Variants in RGS11 observed in about 807,000 individuals in gnomAD.
RGS11 encodes regulator of G-protein signaling 11.
In RGS11, 86 loss-of-function variants were observed where a neutral mutation model predicts 71.1. That is an observed-to-expected ratio of 1.21 (90% CI 1.02 to 1.45). The LOEUF (loss-of-function observed/expected upper bound fraction) is 1.45. Among genes scored for constraint, RGS11 ranks in the 40% most tolerant of loss-of-function variants. RGS11 has a pLI of 0.00. For missense variants in RGS11, 734 were observed against 635.1 expected (o/e 1.16, Z -1.67); for synonymous variants, 298 against 254.2 (o/e 1.17, Z -1.64).
chr16:271,856 G>A (rs1020093171), intron 9 of RGS11: 4 of 505,868 alleles, frequency 7.9e-6, no homozygotes, highest in African/African-American at 1.9e-5. Flanking sequence ...TTATTTTTTT[G>A]AGACAGTTTC....
At position 268,490 on chromosome 16, in the gene RGS11, G is replaced by A. The variant is rs1224177496; in HGVS notation, c.*779C>T. 1.4e-5 allele frequency: 7 copies of A among 517,142 alleles called. No homozygotes were observed. The East Asian group carries it at 2.4e-4, about 18-fold the overall frequency. 32.0% of individuals were successfully genotyped at this position (517,142 alleles called of 1,614,324 possible). ...GTCTGGGGGACTGGTGAGGCACTTG[G>A]GGGATGGGGAGCAAGGCCAGCTCAC... On this transcript the variant is annotated 3_prime_UTR_variant, in exon 17 of 17. Coordinates refer to ENST00000397770, the MANE Select transcript of RGS11 (RefSeq NM_183337.3).
intron 4 of RGS11, 125 bp downstream of exon 4, chr16:274,851 G>T: frequency 7.5e-7 from 1 of 1,340,684 alleles, no homozygotes; most frequent in Non-Finnish European, 1.0e-6. Flanking sequence ...CCAGCCCACG[G>T]CGACATGGCG....
rs779359063 is a variant in RGS11 at position 274,233 on chromosome 16, C to T, written c.351G>A (p.Pro117=). 42 of 1,611,060 alleles carry T rather than the reference C, an allele frequency of 2.6e-5. No individual in the cohort carries two copies. The highest frequency in any genetic ancestry group is 3.3e-5 in the Admixed American group (2 of 59,764). ...TPYFWTSTLR[P]AAELDYAIYL... ...GCTCACCATAGTCCAGCTCTGCAGC[C>T]GGCCTCAGGGTACTTGTCCAGAAGT... The change falls in exon 5 of 17, where the codon CCG becomes CCA. Residue 117 remains proline (P), a synonymous_variant. Coordinates refer to ENST00000397770, the MANE Select transcript of RGS11 (RefSeq NM_183337.3).
rs769581493 is a variant in RGS11, at chr16:268,893, C to T, written c.*376G>A. On this transcript the variant is annotated 3_prime_UTR_variant, in exon 17 of 17. Coordinates refer to ENST00000397770, the MANE Select transcript of RGS11 (RefSeq NM_183337.3). ...GCCGCCCGCCTGTGCATCTTGCTTC[C>T]GGGTATTCGCTGGCTGATTTACTGG... The T allele has an allele frequency of 8.4e-6, 13 of 1,550,396 alleles. No individual in the cohort carries two copies. Among genetic ancestry groups the T allele is most frequent in the African/African-American group, 8.2e-5 (6 of 73,022 alleles).
rs920584172 is a variant in RGS11, at chr16:273,475, C to T, written c.588G>A (p.Pro196=). 3.0e-5 allele frequency: 47 copies of T among 1,549,092 alleles called. No individual in the cohort carries two copies. Among genetic ancestry groups the T allele is most frequent in the South Asian group, 1.7e-4 (14 of 84,046 alleles). ...EQTYWLVNRP[P]PGAPDVLEQG... is the part of the protein sequence containing the mutation. ...CCACCCTCACCGCAGGTGGGCTCAC[C>T]GGGGGCCTGTTCACCAGCCAGTAGG... The change falls in exon 8 of 17, where the codon CCG becomes CCA. Residue 196 remains proline, a splice_region_variant and synonymous_variant. Transcript: ENST00000397770.
intron 4 of RGS11, 91 bp downstream of exon 4, chr16:274,884 AG>A: frequency 6.8e-7 from 1 of 1,474,444 alleles, no homozygotes; most frequent in Non-Finnish European, 9.1e-7. Context: ...AATCCCAGCA[AG>A]CTCGGCGCCC....
chr16:272,442 C>T lies in RGS11; in HGVS notation c.657+421G>A, dbSNP rs866983411. 23 of 1,310,932 alleles carry T rather than the reference C, an allele frequency of 1.8e-5. No homozygotes were observed. The African/African-American group carries it at 2.5e-4, about 15-fold the overall frequency. The allele number at this position is 1,310,932 out of a possible 1,614,324, so 81.2% of individuals were successfully genotyped here. A position where few individuals can be genotyped will look rare whatever the true frequency, so the allele number is the denominator to read the frequency against. ...GTTTGAACAAAGGGTTTTGCTGCTG[C>T]GGGGCTCAGATGCTCCCTCTGGTCT... On this transcript the variant is annotated intron_variant, in intron 9 of 16. Transcript: ENST00000397770.
rs915974096 is a variant in RGS11, at chr16:270,581, T to C, written c.1148A>G (p.Gln383Arg). 6.2e-6 allele frequency: 10 copies of C among 1,608,558 alleles called. No individual in the cohort carries two copies. The African/African-American group carries it at 1.3e-4, about 21-fold the overall frequency. The change falls in exon 15 of 17, where the codon CAG (glutamine) becomes CGG (arginine). Residue 383 changes from glutamine to arginine, a missense_variant. Transcript: ENST00000397770. ...TMEQTLEGLR[Q>R]PHRYVLDDAQ... ...GTCATCCAGGACATAGCGGTGGGGC[T>C]GGCGCAGCCCCTCCAGGGTCTGCTC...
In RGS11 at chr16:268,711, G is replaced by A. The variant is rs1042637599; in HGVS notation, c.*558C>T. 8.7e-6 allele frequency: 13 copies of A among 1,499,384 alleles called. No homozygotes were observed. The highest frequency in any genetic ancestry group is 8.4e-5 in the South Asian group (7 of 83,152). The allele number at this position is 1,499,384 out of a possible 1,614,324, so 92.9% of individuals were successfully genotyped here. A position where few individuals can be genotyped will look rare whatever the true frequency, so the allele number is the denominator to read the frequency against. The stretch of plus-strand genomic sequence containing the variant: ...CGCGTTTGGCGAGGGAGGAATAGGC[G>A]CAGCTCCGGAAGGCAGTGACCTCGA... On this transcript the variant is annotated 3_prime_UTR_variant, in exon 17 of 17. Transcript: ENST00000397770.
Position 271,217 on chromosome 16 carries a change from ACC to A in RGS11, c.846_847del (p.Trp282CysfsTer55). 1 of 1,612,702 alleles carries A rather than the reference ACC, an allele frequency of 6.2e-7. No homozygotes were observed. Among genetic ancestry groups the A allele is most frequent in the Non-Finnish European group, 8.5e-7 (1 of 1,179,862 alleles). On this transcript the variant is annotated frameshift_variant, in exon 12 of 17. Coordinates refer to ENST00000397770, the MANE Select transcript of RGS11 (RefSeq NM_183337.3). LOFTEE classifies it high-confidence loss of function. Reference sequence around the variant, plus strand: ...CTGGGCTCACGTGGGGGCATTCATGACCCAGTAGGCGTCATTGTCTGAGATCC... The same window carrying A: ...CTGGGCTCACGTGGGGGCATTCATGACAGTAGGCGTCATTGTCTGAGATCC...
chr16:272,369 G>A, intron 9 of RGS11: 2 of 1,290,770 alleles, frequency 1.5e-6, no homozygotes, highest in South Asian at 1.2e-5. Context: ...AGTTTTATCA[G>A]TGAGGTTCTA....
At chr16:270,317 C>A (rs2051869116) in intron 15 of RGS11, among the ~76,000 whole-genome samples, 1 of 152,220 alleles carries the variant, frequency 6.6e-6, no homozygotes, top group Non-Finnish European at 1.5e-5. Context: ...TGGGCCAGTC[C>A]TTCAGCCTGT....
Position 275,637 on chromosome 16 carries a change from G to A in RGS11, c.64-139C>T, listed in dbSNP as rs578171087. 4.3e-4 allele frequency: 342 copies of A among 801,764 alleles called. 4 individuals carry two copies. In the African/African-American group the frequency reaches 5.9e-3, roughly 14 times the overall value. 49.7% of individuals were successfully genotyped at this position (801,764 alleles called of 1,614,324 possible). On this transcript the variant is annotated intron_variant, in intron 1 of 16. Transcript: ENST00000397770. ...GATTCCAGGCCGCAGCTGGCGGCGG[G>A]GACGCGGGGCGGGCCGGGGAGGGCC... is the stretch of plus-strand genomic sequence containing the variant.
In RGS11 at chr16:270,625, G is replaced by A; in HGVS notation, c.1104C>T (p.Asn368=). The A allele has an allele frequency of 2.5e-6, 4 of 1,608,882 alleles. No individual in the cohort carries two copies. Among genetic ancestry groups the A allele is most frequent in the Non-Finnish European group, 3.4e-6 (4 of 1,178,340 alleles). The change falls in exon 15 of 17, where the codon AAC becomes AAT. Residue 368 remains asparagine, a synonymous_variant. Transcript: ENST00000397770. The part of the protein sequence containing the change: ...FLAPGAAHWV[N]IDSRTMEQTL... ...TCTGCTCCATGGTCCGGCTGTCGAT[G>A]TTGACCCAGTGGGCAGCTCCGGGGG...
At chr16:274,601 G>A (rs1019191562) in intron 4 of RGS11, 23 of 595,088 alleles carry the variant, frequency 3.9e-5, no homozygotes, top group Middle Eastern at 2.6e-4. Flanking sequence ...ACGGCAGGTC[G>A]GCCCGGGACC....
chr16:275,022 G>T lies in RGS11; in HGVS notation c.272C>A (p.Pro91His). The T allele has an allele frequency of 1.3e-6, 2 of 1,515,758 alleles. No individual in the cohort carries two copies. Among genetic ancestry groups the T allele is most frequent in the Admixed American group, 2.1e-5 (1 of 48,218 alleles). 93.9% of individuals were successfully genotyped at this position (1,515,758 alleles called of 1,614,324 possible). ...QHGYIYPLRD[P>H]RSLMLRPDET... Reference sequence around the variant, plus strand: ...GTCTGGCCGGAGCATGAGGCTACGGGGGTCGCGCAGCGGGTAGATGTAGCC... The same window carrying T: ...GTCTGGCCGGAGCATGAGGCTACGGTGGTCGCGCAGCGGGTAGATGTAGCC... Residue 91 changes from proline (P) to histidine (H), a missense_variant, in exon 4 of 17, where the codon CCC becomes CAC. Coordinates refer to ENST00000397770, the MANE Select transcript of RGS11 (RefSeq NM_183337.3).
intron 9 of RGS11, chr16:271,792 C>T (rs949621008): frequency 1.4e-5 from 8 of 586,036 alleles, no homozygotes; most frequent in East Asian, 5.6e-5. Flanking sequence ...GAATATTCCA[C>T]GGAACCTCAG....
rs2052132170 is a variant in RGS11 at position 275,504 on chromosome 16, C to A, written c.64-6G>T. 1 of 1,554,864 alleles carries A rather than the reference C, an allele frequency of 6.4e-7. No homozygotes were observed. The highest frequency in any genetic ancestry group is 1.1e-5 in the South Asian group (1 of 87,026). Reference sequence around the variant, plus strand: ...CTCACGACCACCCGCTCCATCTGGGCGGAGGGAGTCGTCAGGGGGTGTCTG... The same window carrying A: ...CTCACGACCACCCGCTCCATCTGGGAGGAGGGAGTCGTCAGGGGGTGTCTG... On this transcript the variant is annotated splice_region_variant and splice_polypyrimidine_tract_variant and intron_variant, in intron 1 of 16. Coordinates refer to ENST00000397770, the MANE Select transcript of RGS11 (RefSeq NM_183337.3).
chr16:271,820 T>G, intron 9 of RGS11: 9 of 557,908 alleles, frequency 1.6e-5, no homozygotes, highest in Non-Finnish European at 1.3e-5. Context: ...AAGTTGCAAC[T>G]GTAATATGTC....
Sources: allele counts gnomAD v4.1 joint callset (sites outside exome capture counted in the v4.1 genomes callset), GRCh38; gene constraint gnomAD v4.1.1; transcripts MANE v1.5; gene names NCBI Gene and HGNC (gene_info 2026-07-23, HGNC 2026-07-21).